The following TENM2 variants were observed in gnomAD, a reference collection of about 807,000 sequenced individuals.
TENM2 encodes teneurin-2.
TENM2 carries 52 observed loss-of-function variants against 245.2 expected under a neutral mutation model. That is an observed-to-expected ratio of 0.21 (90% CI 0.17 to 0.27). The LOEUF is 0.27. Ranked by LOEUF, TENM2 falls within the 10% of genes least tolerant of loss-of-function variation. The pLI is 1.00. For missense variants in TENM2, 3,046 were observed against 3,666.8 expected (o/e 0.83, Z 4.37); for synonymous variants, 1,363 against 1,438.9 (o/e 0.95, Z 1.19).
chr5:167,329,500 C>T (rs1023835153), intron 1 of TENM2, among the ~76,000 whole-genome samples: 5 of 131,558 alleles, frequency 3.8e-5, no homozygotes, highest in South Asian at 2.4e-4. Context: ...TGCAGTGAGC[C>T]GCGATCATGC....
At chr5:167,640,351 T>A (rs2150245462) in intron 2 of TENM2, among the ~76,000 whole-genome samples, 1 of 152,110 alleles carries the variant, frequency 6.6e-6, no homozygotes, top group African/African-American at 2.4e-5. Flanking sequence ...GGCGCGGTGG[T>A]TCATGCCTGT....
At chr5:167,673,503 C>T (rs553649402) in intron 2 of TENM2, among the ~76,000 whole-genome samples, 9 of 152,178 alleles carry the variant, frequency 5.9e-5, no homozygotes, top group South Asian at 2.1e-4. Flanking sequence ...AACTAAGATG[C>T]ATAGAACATC....
rs529945777 is a variant in TENM2 at position 167,384,703 on chromosome 5, C to T, written c.502+9230C>T. On this transcript the variant is annotated intron_variant, in intron 2 of 28. Transcript: ENST00000518659. ...CAGATACAGCGCGTGCACACGCGTGCGCGCACACACGCACACACACACACA... is the reference window on the plus strand; with the variant it reads ...CAGATACAGCGCGTGCACACGCGTGTGCGCACACACGCACACACACACACA... Among the ~76,000 whole-genome samples the T allele has an allele frequency of 2.6e-4, 15 of 58,782 alleles. No homozygotes were observed. In the South Asian group the frequency reaches 5.1e-3, roughly 20 times the overall value. 38.6% of individuals were successfully genotyped at this position (58,782 alleles called of 152,430 possible). A position where few individuals can be genotyped will look rare whatever the true frequency, so the allele number is the denominator to read the frequency against.
rs1181466499 is a variant in TENM2 at position 168,238,227 on chromosome 5, A to AAGAAAAG, written c.5521-6191_5521-6185dup. On this transcript the variant is annotated intron_variant, in intron 25 of 28. Coordinates refer to ENST00000518659, the Ensembl canonical transcript of TENM2. ...GGAGGGAGGGAGGGAGAGAGAAGAA[A>AAGAAAAG]AGAAAAGAAAAGAAAAGAAAAGAAA... is the stretch of plus-strand genomic sequence containing the variant. Among the ~76,000 whole-genome samples, 269 of 70,960 alleles carry AAGAAAAG rather than the reference A, an allele frequency of 3.8e-3. 14 individuals carry two copies. The highest frequency in any genetic ancestry group is 6.1e-3 in the Non-Finnish European group (201 of 32,946). 46.6% of individuals were successfully genotyped at this position (70,960 alleles called of 152,430 possible).
intron 2 of TENM2, chr5:167,729,164 G>A (rs1185465800): frequency 6.6e-6 from 1 of 152,098 alleles, no homozygotes; most frequent in East Asian, 1.9e-4. Context: ...AATATTCCTA[G>A]GAGGAACTTC....
chr5:167,064,099 G>A, the TENM2 span, among the ~76,000 whole-genome samples: 185 of 152,246 alleles, frequency 1.2e-3, 1 homozygote, highest in Admixed American at 5.9e-3. Context: ...TTAATGTACA[G>A]ACCTAATATA....
At chr5:167,141,870 A>G in the TENM2 span, among the ~76,000 whole-genome samples, 3 of 152,220 alleles carry the variant, frequency 2.0e-5, no homozygotes, top group Non-Finnish European at 4.4e-5. Context: ...CATAGCAAGG[A>G]CAAAAGGAAT....
intron 1 of TENM2, among the ~76,000 whole-genome samples, chr5:167,369,135 A>G (rs1260318247): frequency 6.6e-6 from 1 of 152,174 alleles, no homozygotes; most frequent in East Asian, 1.9e-4. Flanking sequence ...GGTTTGGAAC[A>G]TATGAGGCAA....
chr5:167,404,303 A>G (rs1478699382), intron 2 of TENM2, among the ~76,000 whole-genome samples: 2 of 152,004 alleles, frequency 1.3e-5, no homozygotes, highest in Non-Finnish European at 2.9e-5. Flanking sequence ...TTTCCCTGAG[A>G]AAAAAACTAA....
chr5:167,167,031 C>G, the TENM2 span, among the ~76,000 whole-genome samples: 1 of 152,164 alleles, frequency 6.6e-6, no homozygotes, highest in South Asian at 2.1e-4. Flanking sequence ...TCTTCACTTT[C>G]AAGCTGTGGC....
chr5:168,259,302 G>A (rs955325332), intron 27 of TENM2, among the ~76,000 whole-genome samples: 1 of 149,812 alleles, frequency 6.7e-6, no homozygotes, highest in African/African-American at 2.5e-5. Flanking sequence ...GAGTAGGAAG[G>A]CTGGGCCGGG....
chr5:167,444,273 T>TCA (rs1218870485), intron 2 of TENM2, among the ~76,000 whole-genome samples: 1 of 124,348 alleles, frequency 8.0e-6, no homozygotes, highest in East Asian at 2.6e-4. Flanking sequence ...ACACATTTGC[T>TCA]TATGCACACA....
intron 2 of TENM2, among the ~76,000 whole-genome samples, chr5:167,806,450 A>G (rs908243232): frequency 1.3e-5 from 2 of 152,148 alleles, no homozygotes; most frequent in Admixed American, 6.6e-5. Context: ...ATAGCTTCAG[A>G]CATGTTAGAT....
chr5:168,069,032 G>A (rs545794556), intron 7 of TENM2, among the ~76,000 whole-genome samples: 1 of 150,986 alleles, frequency 6.6e-6, no homozygotes, highest in Admixed American at 6.6e-5. Flanking sequence ...TATAAAAAAA[G>A]GGGATTTGCA....
chr5:168,217,139 A>G (rs893967785), intron 22 of TENM2, among the ~76,000 whole-genome samples: 5 of 152,134 alleles, frequency 3.3e-5, no homozygotes. Flanking sequence ...AGAGAGAGGG[A>G]AAACTGTTGA....
chr5:167,342,372 G>T (rs77071440), intron 1 of TENM2, among the ~76,000 whole-genome samples: 6,497 of 152,116 alleles, frequency 0.043, 670 homozygotes, highest in Admixed American at 0.24. Flanking sequence ...TGGGAGGAAA[G>T]CTACAAAGGT....
chr5:167,752,219 T>G (rs1245226596), intron 2 of TENM2, among the ~76,000 whole-genome samples: 1 of 151,326 alleles, frequency 6.6e-6, no homozygotes, highest in Non-Finnish European at 1.5e-5. Flanking sequence ...CTCAGCCTCC[T>G]GAGTAGCTGG....
intron 2 of TENM2, among the ~76,000 whole-genome samples, chr5:167,573,077 T>A (rs1469897131): frequency 1.3e-5 from 2 of 152,122 alleles, no homozygotes; most frequent in African/African-American, 4.8e-5. Context: ...GGCTCTTTTT[T>A]TTTTTCTTTA....
At chr5:167,736,239 G>A (rs778275826) in intron 2 of TENM2, among the ~76,000 whole-genome samples, 10 of 152,144 alleles carry the variant, frequency 6.6e-5, no homozygotes, top group Non-Finnish European at 7.4e-5. Flanking sequence ...ACTCACTATC[G>A]CAAGAACAGG....
Sources: gnomAD v4.1 joint callset for allele counts (sites outside exome capture counted in the v4.1 genomes callset) on GRCh38, gnomAD v4.1.1 for gene constraint, MANE v1.5 for transcripts, NCBI Gene and HGNC (gene_info 2026-07-23, HGNC 2026-07-21) for gene names.